Variants in GPBP1L1 observed in about 807,000 individuals in gnomAD.
GPBP1L1 encodes GC-rich promoter binding protein 1 like 1.
In GPBP1L1, 23 loss-of-function variants were observed where a neutral mutation model predicts 52.5. The observed-to-expected ratio is 0.44, with a 90% CI of 0.32 to 0.62. The LOEUF is 0.62. Among genes scored for constraint, GPBP1L1 ranks in the 20% least tolerant of loss-of-function variants. The pLI is 0.06. For missense variants in GPBP1L1, 596 were observed against 579.3 expected (o/e 1.03, Z -0.30); for synonymous variants, 243 against 203.1 (o/e 1.20, Z -1.67).
intron 2 of GPBP1L1, among the ~76,000 whole-genome samples, chr1:45,662,946 G>A (rs908410997): frequency 6.7e-6 from 1 of 149,372 alleles, no homozygotes. Context: ...AGCTACTCAG[G>A]AGGCTGAGGC....
intron 4 of GPBP1L1, 27 bp downstream of exon 4, chr1:45,659,001 A>T: frequency 2.1e-6 from 3 of 1,459,388 alleles, no homozygotes; most frequent in Admixed American, 1.7e-5. Flanking sequence ...ATATTTGAGA[A>T]GTTACTACAG....
At position 45,646,091 on chromosome 1, in the gene GPBP1L1, T is replaced by C. The variant is rs979774309; in HGVS notation, c.478-3592A>G. The C allele has an allele frequency of 2.8e-5, 13 of 456,706 alleles. 1 individual carries two copies. The highest frequency in any genetic ancestry group is 7.8e-4 in the Middle Eastern group (1 of 1,280). The allele number at this position is 456,706 out of a possible 1,614,324, so 28.3% of individuals were successfully genotyped here. A position where few individuals can be genotyped will look rare whatever the true frequency, so the allele number is the denominator to read the frequency against. ...GATGCTTCATCATCACAGCTAGAAGTTGGACAATGACTTTGGAGCATGGCC... is the reference window on the plus strand; with the variant it reads ...GATGCTTCATCATCACAGCTAGAAGCTGGACAATGACTTTGGAGCATGGCC... On this transcript the variant is annotated intron_variant, in intron 6 of 12. Coordinates refer to ENST00000355105, the MANE Select transcript of GPBP1L1 (RefSeq NM_021639.5).
chr1:45,687,767 G>GT (rs1340219691), upstream of GPBP1L1: 3 of 152,272 alleles, frequency 2.0e-5, no homozygotes, highest in Non-Finnish European at 4.4e-5. Flanking sequence ...GAAAATGGAT[G>GT]TAAGAACTGG....
At chr1:45,630,652 G>T in intron 10 of GPBP1L1, 46 bp from the exon 11 acceptor site, 1 of 1,601,872 alleles carries the variant, frequency 6.2e-7, no homozygotes, top group African/African-American at 1.3e-5. Flanking sequence ...AGGTTCCTTT[G>T]TAGTAATATA....
chr1:45,629,730 G>A (rs757814279), intron 11 of GPBP1L1, 52 bp from the exon 12 acceptor site: 3 of 1,165,324 alleles, frequency 2.6e-6, no homozygotes, highest in African/African-American at 3.0e-5. Context: ...CTAAGCCTAA[G>A]TGAACAGCCC....
intron 2 of GPBP1L1, among the ~76,000 whole-genome samples, chr1:45,666,000 C>G (rs1040260868): frequency 6.6e-6 from 1 of 152,044 alleles, no homozygotes; most frequent in Non-Finnish European, 1.5e-5. Flanking sequence ...AACAATACGA[C>G]AGGATTTAAA....
At chr1:45,665,503 C>A (rs925128413) in intron 2 of GPBP1L1, among the ~76,000 whole-genome samples, 2 of 152,072 alleles carry the variant, frequency 1.3e-5, no homozygotes, top group African/African-American at 4.8e-5. Flanking sequence ...GTAATCCCAG[C>A]ACTTTGAGAG....
chr1:45,635,779 G>A (rs189784080), intron 8 of GPBP1L1: 5 of 152,070 alleles, frequency 3.3e-5, no homozygotes, highest in Admixed American at 3.3e-4. Context: ...TTCTTCTACT[G>A]GACTAAAAAT....
At chr1:45,648,033 C>CA (rs752864089) in intron 6 of GPBP1L1, among the ~76,000 whole-genome samples, 2 of 152,058 alleles carry the variant, frequency 1.3e-5, no homozygotes, top group African/African-American at 4.8e-5. Flanking sequence ...TACGACCTGC[C>CA]AGACTCAAGC....
intron 8 of GPBP1L1, among the ~76,000 whole-genome samples, chr1:45,637,157 A>G (rs921022535): frequency 2.0e-5 from 3 of 152,204 alleles, no homozygotes; most frequent in African/African-American, 7.2e-5. Flanking sequence ...TTTCTTCACT[A>G]GACAGTAAAC....
intron 2 of GPBP1L1, among the ~76,000 whole-genome samples, chr1:45,677,703 T>A (rs1197239683): frequency 6.6e-6 from 1 of 152,092 alleles, no homozygotes; most frequent in Non-Finnish European, 1.5e-5. Flanking sequence ...ATGAGAGAAA[T>A]CATGTGAAGT....
In GPBP1L1 at chr1:45,654,991, C is replaced by A. The variant is rs78564311; in HGVS notation, c.191-162G>T. ...GAGGTAATTTCTGAAATCAGTTCAA[C>A]TGAACAGATGATTCATGAGAATCAT... On this transcript the variant is annotated intron_variant, in intron 5 of 12. Coordinates refer to ENST00000355105, the MANE Select transcript of GPBP1L1 (RefSeq NM_021639.5). 5.6e-4 allele frequency among the ~76,000 whole-genome samples: 85 copies of A among 152,312 alleles called. No homozygotes were observed. The East Asian group carries it at 0.013, about 23-fold the overall frequency.
rs149612781 is a variant in GPBP1L1, at chr1:45,634,570, A to G, written c.745-334T>C. On this transcript the variant is annotated intron_variant, in intron 8 of 12. Coordinates refer to ENST00000355105, the MANE Select transcript of GPBP1L1 (RefSeq NM_021639.5). ...AATTTCTCAAAGCACTTAACTGCAC[A>G]TAAGAATTTGAGAGGCAGTTATGCA... The G allele has an allele frequency of 1.2e-3, 220 of 188,270 alleles. 1 individual carries two copies. Among genetic ancestry groups the G allele is most frequent in the African/African-American group, 4.7e-3 (203 of 43,018 alleles). 11.7% of individuals were successfully genotyped at this position (188,270 alleles called of 1,614,324 possible).
At chr1:45,643,753 T>A (rs1486375422) in intron 6 of GPBP1L1, among the ~76,000 whole-genome samples, 1 of 130,102 alleles carries the variant, frequency 7.7e-6, no homozygotes, top group Non-Finnish European at 1.6e-5. Flanking sequence ...CATTGCAACC[T>A]CCACTTTCCA....
intron 2 of GPBP1L1, 77 bp from the exon 3 acceptor site, chr1:45,661,302 GAC>G (rs1440234166): frequency 1.3e-5 from 2 of 152,098 alleles, no homozygotes; most frequent in Non-Finnish European, 1.5e-5. Flanking sequence ...GCTAAAATGA[GAC>G]ACAGTTAAAT....
At chr1:45,657,930 C>G (rs1407402851) in intron 4 of GPBP1L1, among the ~76,000 whole-genome samples, 1 of 152,140 alleles carries the variant, frequency 6.6e-6, no homozygotes, top group Non-Finnish European at 1.5e-5. Context: ...CCAGAAGCAC[C>G]TTCCCAAAAG....
Position 45,630,501 on chromosome 1 carries a change from A to T in GPBP1L1, c.1150T>A (p.Ser384Thr), listed in dbSNP as rs762779000. 1.2e-6 allele frequency: 2 copies of T among 1,613,812 alleles called. No homozygotes were observed. The highest frequency in any genetic ancestry group is 1.1e-5 in the South Asian group (1 of 91,064). Residue 384 changes from serine to threonine, a missense_variant, in exon 11 of 13, where the codon TCT (serine) becomes ACT (threonine). Transcript: ENST00000355105. Reference sequence around the variant, plus strand: ...ACTTACCTGTGCTCTGCTTCTAGAGAGTGTGAGAGAACCTCCCCTTCTTCC... The same window carrying T: ...ACTTACCTGTGCTCTGCTTCTAGAGTGTGTGAGAGAACCTCCCCTTCTTCC... The part of the protein sequence containing the change: ...VVEEGEVLSH[S>T]LEAEHRLLKA...
chr1:45,669,623 CCT>C (rs1491133225), intron 2 of GPBP1L1, among the ~76,000 whole-genome samples: 66 of 104,112 alleles, frequency 6.3e-4, no homozygotes, highest in South Asian at 1.4e-3. Context: ...TATGACCCCC[CCT>C]CCAACCCCCT....
At chr1:45,664,898 T>TG (rs1226960492) in intron 2 of GPBP1L1, among the ~76,000 whole-genome samples, 2 of 152,072 alleles carry the variant, frequency 1.3e-5, no homozygotes, top group Non-Finnish European at 2.9e-5. Flanking sequence ...AGGTTGGTCT[T>TG]GAACTCCTGA....
Sources: gnomAD v4.1 joint callset for allele counts (sites outside exome capture counted in the v4.1 genomes callset) on GRCh38, gnomAD v4.1.1 for gene constraint, MANE v1.5 for transcripts, NCBI Gene and HGNC (gene_info 2026-07-23, HGNC 2026-07-21) for gene names.